SMARCC1: variants seen among roughly 807,000 people sequenced by gnomAD.
The protein encoded by SMARCC1 is SWI/SNF related BAF chromatin remodeling complex subunit C1, also known as SWI/SNF complex subunit SMARCC1.
SMARCC1 carries 43 observed loss-of-function variants against 147.4 expected under a neutral mutation model. That is an observed-to-expected ratio of 0.29 (90% CI 0.23 to 0.38). The LOEUF is 0.38. Ranked by LOEUF, SMARCC1 falls within the 10% of genes least tolerant of loss-of-function variation. The pLI, the probability that SMARCC1 is intolerant of heterozygous loss-of-function variation, is 1.00. For synonymous variants in SMARCC1, 495 were observed against 484.4 expected, an observed-to-expected ratio of 1.02 and a Z score of -0.29; for missense variants, 1,119 against 1,381.1, an observed-to-expected ratio of 0.81 and a Z score of 3.01.
At chr3:47,661,094 A>G (rs914417215) in intron 21 of SMARCC1, among the ~76,000 whole-genome samples, 200 bp downstream of exon 21, 1 of 152,246 alleles carries the variant, frequency 6.6e-6, no homozygotes, top group Non-Finnish European at 1.5e-5. Context: ...TAATACCATT[A>G]ACAGTTACAA....
intron 3 of SMARCC1, among the ~76,000 whole-genome samples, chr3:47,739,918 C>T (rs1197114402): frequency 1.3e-5 from 2 of 152,128 alleles, no homozygotes; most frequent in East Asian, 3.9e-4. Flanking sequence ...ACTCTATTGC[C>T]CAGGCTGGAG....
chr3:47,670,345 G>T (rs1348763437), intron 19 of SMARCC1: 1 of 324,762 alleles, frequency 3.1e-6, no homozygotes, highest in East Asian at 5.8e-5. Flanking sequence ...AGAACTTTGG[G>T]AGGCCAAGGT....
At chr3:47,653,924 C>A (rs528930568) in intron 21 of SMARCC1, among the ~76,000 whole-genome samples, 52 of 152,272 alleles carry the variant, frequency 3.4e-4, no homozygotes, top group African/African-American at 1.2e-3. Flanking sequence ...CCTCCTGTAG[C>A]AGTCTAACCT....
At chr3:47,632,107 A>T (rs971789679) in intron 24 of SMARCC1, among the ~76,000 whole-genome samples, 1 of 152,164 alleles carries the variant, frequency 6.6e-6, no homozygotes, top group Non-Finnish European at 1.5e-5. Context: ...TTCTTTGGAC[A>T]CCTTTTAAAT....
chr3:47,708,083 C>CTTTTTT lies in SMARCC1; in HGVS notation c.919-1559_919-1554dup, dbSNP rs915291740. 5.0e-3 allele frequency among the ~76,000 whole-genome samples: 322 copies of CTTTTTT among 64,392 alleles called. 1 individual carries two copies. Among genetic ancestry groups the CTTTTTT allele is most frequent in the East Asian group, 7.6e-3 (14 of 1,840 alleles). 42.2% of individuals were successfully genotyped at this position (64,392 alleles called of 152,430 possible). Reference sequence around the variant, plus strand: ...GTAAATCTGAAGTTGAATTTTTTTTCTTTTTTTTTTTTTTTTTTTTTTTTT... The same window carrying CTTTTTT: ...GTAAATCTGAAGTTGAATTTTTTTTCTTTTTTTTTTTTTTTTTTTTTTTTTTTTTTT... On this transcript the variant is annotated intron_variant, in intron 9 of 27. Coordinates refer to ENST00000254480, the MANE Select transcript of SMARCC1 (RefSeq NM_003074.4).
chr3:47,602,793 G>A (rs963006437), intron 26 of SMARCC1, among the ~76,000 whole-genome samples: 3 of 152,228 alleles, frequency 2.0e-5, no homozygotes, highest in Non-Finnish European at 2.9e-5. Flanking sequence ...GGCTTCCCCA[G>A]TGCAGGCAGC....
chr3:47,717,531 A>G (rs1011382493), intron 7 of SMARCC1, among the ~76,000 whole-genome samples: 10 of 152,124 alleles, frequency 6.6e-5, no homozygotes, highest in Admixed American at 4.6e-4. Flanking sequence ...CAATCAATCA[A>G]TCGTGTCATT....
intron 26 of SMARCC1, among the ~76,000 whole-genome samples, chr3:47,607,780 G>A (rs780149286): frequency 6.6e-6 from 1 of 152,106 alleles, no homozygotes; most frequent in Non-Finnish European, 1.5e-5. Context: ...ACAGTGGAAC[G>A]TGCCTATAAT....
chr3:47,604,397 T>C, intron 26 of SMARCC1: 1 of 417,526 alleles, frequency 2.4e-6, no homozygotes, highest in South Asian at 1.8e-5. Context: ...TCGAGCCAAA[T>C]ACCAAAGACA....
rs1243451838 is a variant in SMARCC1, at chr3:47,686,067, G to A, written c.1367C>T (p.Ser456Leu). 1 of 1,612,218 alleles carries A rather than the reference G, an allele frequency of 6.2e-7. No homozygotes were observed. The highest frequency in any genetic ancestry group is 1.1e-5 in the South Asian group (1 of 91,046). ...TNHIIIPSYA[S>L]WFDYNCIHVI... is the part of the protein sequence containing the mutation. Reference sequence around the variant, plus strand: ...CACTCACCAGTTATAATCAAACCATGATGCATAACTAGGAATAATAATGTG... The same window carrying A: ...CACTCACCAGTTATAATCAAACCATAATGCATAACTAGGAATAATAATGTG... Residue 456 changes from serine to leucine, a missense_variant, in exon 14 of 28, where the codon TCA becomes TTA. By Grantham distance (145) the Ser-to-Leu change is moderately radical. Transcript: ENST00000254480.
At chr3:47,697,092 G>A (rs1285205224) in intron 11 of SMARCC1, among the ~76,000 whole-genome samples, 1 of 152,146 alleles carries the variant, frequency 6.6e-6, no homozygotes, top group African/African-American at 2.4e-5. Flanking sequence ...AGGCTGAGGA[G>A]GGTAGATTGC....
At chr3:47,598,741 T>C (rs138210741) in intron 26 of SMARCC1, among the ~76,000 whole-genome samples, 149 of 147,210 alleles carry the variant, frequency 1.0e-3, no homozygotes, top group African/African-American at 3.6e-3. Flanking sequence ...GAGGAGAAGA[T>C]AGTTTGAACC....
chr3:47,693,794 T>C (rs939699650), intron 11 of SMARCC1, among the ~76,000 whole-genome samples: 6 of 152,124 alleles, frequency 3.9e-5, no homozygotes, highest in African/African-American at 1.2e-4. Context: ...TCCCAAGTAA[T>C]TGGGACTATG....
intron 7 of SMARCC1, among the ~76,000 whole-genome samples, chr3:47,719,491 A>T (rs1297818102): frequency 6.6e-6 from 1 of 151,862 alleles, no homozygotes; most frequent in African/African-American, 2.4e-5. Context: ...ACCTGAGGTC[A>T]GGAGTGCAAG....
At chr3:47,611,828 G>A (rs2032569527) in intron 25 of SMARCC1, among the ~76,000 whole-genome samples, 1 of 152,318 alleles carries the variant, frequency 6.6e-6, no homozygotes, top group South Asian at 2.1e-4. Flanking sequence ...GACAGGCCAT[G>A]AACACAGTAT....
At chr3:47,651,567 C>G (rs1206102811) in intron 21 of SMARCC1, among the ~76,000 whole-genome samples, 1 of 152,206 alleles carries the variant, frequency 6.6e-6, no homozygotes. Flanking sequence ...TGGATGCCTA[C>G]ATAGCAGTCT....
At chr3:47,737,172 G>C (rs1402958053) in intron 4 of SMARCC1, among the ~76,000 whole-genome samples, 1 of 152,042 alleles carries the variant, frequency 6.6e-6, no homozygotes, top group Admixed American at 6.6e-5. Flanking sequence ...CAAGCAAATC[G>C]CTTGAATTCA....
chr3:47,599,231 AC>A (rs1308400691), intron 26 of SMARCC1, among the ~76,000 whole-genome samples: 3 of 152,124 alleles, frequency 2.0e-5, no homozygotes, highest in Non-Finnish European at 1.5e-5. Context: ...TACTAATAAT[AC>A]AACAATTAGC....
At chr3:47,729,173 C>T (rs1038192101) in intron 5 of SMARCC1, 79 bp from the exon 6 acceptor site, 3 of 847,766 alleles carry the variant, frequency 3.5e-6, no homozygotes, top group South Asian at 1.7e-5. Context: ...AAATTCCATA[C>T]AAATTCTAAA....
Sources: allele counts gnomAD v4.1 joint callset (sites outside exome capture counted in the v4.1 genomes callset), GRCh38; gene constraint gnomAD v4.1.1; transcripts MANE v1.5; gene names NCBI Gene and HGNC (gene_info 2026-07-23, HGNC 2026-07-21).